Variants in DNAH9 observed in about 807,000 individuals in gnomAD.
The protein encoded by DNAH9 is dynein axonemal heavy chain 9, also known as DNAH9 variant protein.
A neutral mutation model predicts 471.6 loss-of-function variants in DNAH9; 345 were observed. The ratio of observed to expected loss-of-function variants is 0.73; its 90% CI spans 0.67 to 0.80. DNAH9 has a LOEUF of 0.80. Among genes scored for constraint, DNAH9 ranks in the 30% least tolerant of loss-of-function variants. The pLI is 0.00. For missense variants in DNAH9, 5,407 were observed against 5,609.2 expected (o/e 0.96, Z 1.15); for synonymous variants, 2,093 against 2,123.6 (o/e 0.99, Z 0.40).
At chr17:11,785,495 G>C (rs995043358) in intron 41 of DNAH9, among the ~76,000 whole-genome samples, 7 of 152,104 alleles carry the variant, frequency 4.6e-5, no homozygotes. Flanking sequence ...CATAAGGCCA[G>C]GTTGTTCCAG....
rs762233309 is a variant in DNAH9, at chr17:11,900,496, C to T, written c.11407-2223C>T. ...CAGGCTTTAGCTCTTCTTGATCCTT[C>T]CCCTGCCAAAAAAAAAAAAAAAATT... On this transcript the variant is annotated intron_variant, in intron 59 of 68. Transcript: ENST00000262442. Among the ~76,000 whole-genome samples the T allele has an allele frequency of 4.7e-5, 4 of 85,722 alleles. No individual in the cohort carries two copies. In the South Asian group the frequency reaches 1.8e-3, roughly 38 times the overall value. The allele number at this position is 85,722 out of a possible 152,430, so 56.2% of individuals were successfully genotyped here.
At chr17:11,751,828 T>C (rs912104943) in intron 32 of DNAH9, among the ~76,000 whole-genome samples, 5 of 152,132 alleles carry the variant, frequency 3.3e-5, no homozygotes, top group Admixed American at 6.5e-5. Flanking sequence ...TATGCAACTT[T>C]ATACCTAGAA....
intron 67 of DNAH9, among the ~76,000 whole-genome samples, chr17:11,945,953 C>A (rs544342642): frequency 5.3e-5 from 8 of 152,100 alleles, no homozygotes; most frequent in African/African-American, 1.7e-4. Flanking sequence ...AGTCTCAGCA[C>A]TTTGGGAGGC....
rs141566629 is a variant in DNAH9 at position 11,731,344 on chromosome 17, G to A, written c.5814+3422G>A. On this transcript the variant is annotated intron_variant, in intron 28 of 68. Transcript: ENST00000262442. ...AATGGGTTGAAGAGAAGTAGAAGCC[G>A]GGATACACAGGGTAGGGAAAAAGGG... 2.6e-4 allele frequency among the ~76,000 whole-genome samples: 39 copies of A among 151,940 alleles called. No homozygotes were observed. The East Asian group carries it at 7.2e-3, about 28-fold the overall frequency.
At chr17:11,839,433 A>G (rs149365549) in intron 49 of DNAH9, among the ~76,000 whole-genome samples, 1,818 of 152,022 alleles carry the variant, frequency 0.012, 31 homozygotes, top group African/African-American at 0.04. Flanking sequence ...GAGGAATGGC[A>G]TGAACCCCGG....
chr17:11,600,772 A>G (rs1355005302), intron 1 of DNAH9, among the ~76,000 whole-genome samples: 2 of 152,186 alleles, frequency 1.3e-5, no homozygotes, highest in East Asian at 1.9e-4. Flanking sequence ...GTGAGCCACC[A>G]TGTCCAACCG....
Position 11,942,226 on chromosome 17 carries a change from T to G in DNAH9, c.12661-77T>G, listed in dbSNP as rs1974943141. On this transcript the variant is annotated intron_variant, in intron 66 of 68. Coordinates refer to ENST00000262442, the MANE Select transcript of DNAH9 (RefSeq NM_001372.4). ...GACGATGGGTGATTGGCATCTCTAG[T>G]CCCACACTGCAGGAAAATGGATTCC... The G allele has an allele frequency of 3.9e-6, 6 of 1,549,446 alleles. No homozygotes were observed. In the African/African-American group the frequency reaches 5.4e-5, roughly 14 times the overall value.
intron 67 of DNAH9, among the ~76,000 whole-genome samples, chr17:11,950,298 G>T (rs1975317842): frequency 2.6e-5 from 4 of 152,172 alleles, no homozygotes; most frequent in Admixed American, 2.6e-4. Context: ...CTTTCTATGG[G>T]TTTGGACAAA....
intron 18 of DNAH9, 91 bp downstream of exon 18, chr17:11,680,070 A>T (rs2074108923): frequency 9.9e-7 from 1 of 1,005,044 alleles, no homozygotes; most frequent in Non-Finnish European, 1.5e-6. Context: ...CAAATGAAAA[A>T]CAGGGCTTGG....
chr17:11,837,415 A>G (rs1404916434), intron 49 of DNAH9, among the ~76,000 whole-genome samples: 1 of 152,176 alleles, frequency 6.6e-6, no homozygotes, highest in African/African-American at 2.4e-5. Flanking sequence ...AGAGGGGAAA[A>G]CAGGAATTAA....
At chr17:11,696,499 A>G (rs1257045611) in intron 22 of DNAH9, among the ~76,000 whole-genome samples, 1 of 152,152 alleles carries the variant, frequency 6.6e-6, no homozygotes, top group African/African-American at 2.4e-5. Context: ...GGGTGGATAC[A>G]TATGTAGTCT....
At chr17:11,871,459 T>C (rs1475546952) in intron 51 of DNAH9, 139 bp from the exon 52 acceptor site, 4 of 724,492 alleles carry the variant, frequency 5.5e-6, no homozygotes, top group Admixed American at 2.5e-5. Context: ...AAATCCCCAT[T>C]AACGGAAAGG....
Position 11,763,423 on chromosome 17 carries a change from C to G in DNAH9, c.6996-17C>G. The G allele has an allele frequency of 1.9e-6, 3 of 1,610,908 alleles. No homozygotes were observed. The highest frequency in any genetic ancestry group is 2.5e-6 in the Non-Finnish European group (3 of 1,177,856). ...ATATCCTCTGTGTTTCAGATCCCCTCGGGTCTCTCTTTGCAGGTTTAAGAA... is the reference window on the plus strand; with the variant it reads ...ATATCCTCTGTGTTTCAGATCCCCTGGGGTCTCTCTTTGCAGGTTTAAGAA... On this transcript the variant is annotated splice_polypyrimidine_tract_variant and intron_variant, in intron 35 of 68. Coordinates refer to ENST00000262442, the MANE Select transcript of DNAH9 (RefSeq NM_001372.4).
At chr17:11,745,183 G>A (rs1346217809) in intron 31 of DNAH9, 99 bp downstream of exon 31, 10 of 966,740 alleles carry the variant, frequency 1.0e-5, no homozygotes, top group Non-Finnish European at 1.4e-5. Context: ...TGTTTTAGAT[G>A]TACAAATATG....
intron 36 of DNAH9, 91 bp from the exon 37 acceptor site, chr17:11,768,362 T>G (rs1968055358): frequency 7.5e-7 from 1 of 1,338,438 alleles, no homozygotes; most frequent in Non-Finnish European, 1.0e-6. Context: ...CACGTTGTCC[T>G]GCCCTGACCT....
intron 50 of DNAH9, 130 bp downstream of exon 50, chr17:11,854,558 C>T: frequency 8.2e-7 from 1 of 1,219,132 alleles, no homozygotes; most frequent in South Asian, 1.7e-5. Flanking sequence ...CATGCAAAAT[C>T]TCATTTTTCA....
At chr17:11,614,136 C>G (rs1225324005) in intron 4 of DNAH9, among the ~76,000 whole-genome samples, 1 of 152,108 alleles carries the variant, frequency 6.6e-6, no homozygotes, top group African/African-American at 2.4e-5. Flanking sequence ...TAGGTAGAGA[C>G]TTGGTCAGAA....
Position 11,969,599 on chromosome 17 carries a change from G to T in DNAH9, c.*72G>T. On this transcript the variant is annotated 3_prime_UTR_variant, in exon 69 of 69. Transcript: ENST00000262442. ...TGCCTAGAGGGACAGGTGGGTGAAG[G>T]GTCACCACAGACACTTAGAACGGTA... is the stretch of plus-strand genomic sequence containing the variant. 8.3e-7 allele frequency: 1 copy of T among 1,208,598 alleles called. No homozygotes were observed. The highest frequency in any genetic ancestry group is 2.8e-4 in the Middle Eastern group (1 of 3,602). The allele number at this position is 1,208,598 out of a possible 1,614,324, so 74.9% of individuals were successfully genotyped here. A position where few individuals can be genotyped will look rare whatever the true frequency, so the allele number is the denominator to read the frequency against.
intron 11 of DNAH9, 148 bp from the exon 12 acceptor site, chr17:11,646,924 A>C: frequency 1.6e-6 from 1 of 642,868 alleles, no homozygotes. Context: ...AAAAAGAAAG[A>C]AAGAAATTTG....
Sources: gnomAD v4.1 joint callset for allele counts (sites outside exome capture counted in the v4.1 genomes callset) on GRCh38, gnomAD v4.1.1 for gene constraint, MANE v1.5 for transcripts, NCBI Gene and HGNC (gene_info 2026-07-23, HGNC 2026-07-21) for gene names.